The following CRY1 variants were observed in gnomAD, a reference collection of about 807,000 sequenced individuals.
CRY1 encodes cryptochrome-1.
Under a neutral mutation model 76.0 loss-of-function variants are expected in CRY1, and 45 were observed. The ratio of observed to expected loss-of-function variants is 0.59; its 90% CI spans 0.47 to 0.76. CRY1 has a LOEUF of 0.76. Among genes scored for constraint, CRY1 ranks in the 30% least tolerant of loss-of-function variants. The pLI is 0.00. For synonymous variants in CRY1, 248 were observed against 244.0 expected (o/e 1.02, Z -0.15); for missense variants, 587 against 716.4 (o/e 0.82, Z 2.06).
intron 2 of CRY1, among the ~76,000 whole-genome samples, chr12:107,021,381 A>G (rs1374400779): frequency 6.6e-6 from 1 of 152,214 alleles, no homozygotes; most frequent in Non-Finnish European, 1.5e-5. Context: ...GAATTATCCC[A>G]CAAATGTACT....
intron 8 of CRY1, 79 bp from the exon 9 acceptor site, chr12:106,997,769 C>A (rs1349736679): frequency 1.3e-6 from 2 of 1,547,742 alleles, no homozygotes; most frequent in Non-Finnish European, 1.8e-6. Flanking sequence ...AGACCAAAAT[C>A]AAATCAAGAC....
At chr12:107,041,974 G>T (rs1952804386) in intron 1 of CRY1, among the ~76,000 whole-genome samples, 1 of 152,106 alleles carries the variant, frequency 6.6e-6, no homozygotes, top group African/African-American at 2.4e-5. Flanking sequence ...CATAGTGTCA[G>T]AAAAAAGTGC....
chr12:107,030,012 T>A (rs1373234819), intron 1 of CRY1, among the ~76,000 whole-genome samples: 1 of 152,158 alleles, frequency 6.6e-6, no homozygotes, highest in Non-Finnish European at 1.5e-5. Flanking sequence ...ATACAATAGC[T>A]GGAGATAAGG....
At chr12:107,070,803 G>C (rs4964516) in intron 1 of CRY1, among the ~76,000 whole-genome samples, 104,478 of 150,416 alleles carry the variant, frequency 0.69, 37,100 homozygotes, top group East Asian at 0.97. Context: ...CGGGTTCACA[G>C]CATTCTCCTG....
chr12:107,087,115 A>C (rs1164483934), intron 1 of CRY1, among the ~76,000 whole-genome samples: 1 of 152,264 alleles, frequency 6.6e-6, no homozygotes, highest in Non-Finnish European at 1.5e-5. Flanking sequence ...TAAACAGCAT[A>C]CACCCTCAGC....
intron 1 of CRY1, chr12:107,049,899 A>G (rs1269467389): frequency 6.6e-6 from 1 of 152,180 alleles, no homozygotes; most frequent in Non-Finnish European, 1.5e-5. Flanking sequence ...TGATGTACAT[A>G]ATTCTGGAAT....
intron 1 of CRY1, among the ~76,000 whole-genome samples, chr12:107,082,493 T>C (rs1044217798): frequency 5.3e-5 from 8 of 152,042 alleles, no homozygotes; most frequent in African/African-American, 1.9e-4. Flanking sequence ...TAACAAACAG[T>C]CTCTCAGACC....
At position 106,991,565 on chromosome 12, in the gene CRY1, T is replaced by C. The variant is rs929444308; in HGVS notation, c.*437A>G. 1 of 152,602 alleles carries C rather than the reference T, an allele frequency of 6.6e-6. No individual in the cohort carries two copies. The highest frequency in any genetic ancestry group is 1.5e-5 in the Non-Finnish European group (1 of 68,012). 9.5% of individuals were successfully genotyped at this position (152,602 alleles called of 1,614,324 possible). A position where few individuals can be genotyped will look rare whatever the true frequency, so the allele number is the denominator to read the frequency against. On this transcript the variant is annotated 3_prime_UTR_variant, in exon 13 of 13. Coordinates refer to ENST00000008527, the MANE Select transcript of CRY1 (RefSeq NM_004075.5). ...ACGCACATTATCTAAAACATTATTA[T>C]CAAAGAGTGCAAAGTTAGATCAAAC...
At chr12:107,048,979 T>G (rs1565836368) in intron 1 of CRY1, among the ~76,000 whole-genome samples, 1 of 152,226 alleles carries the variant, frequency 6.6e-6, no homozygotes, top group South Asian at 2.1e-4. Context: ...TAAAAAGCTA[T>G]AGATATCCTC....
chr12:107,069,561 A>ATATATATATAAAG (rs1242325144), intron 1 of CRY1, among the ~76,000 whole-genome samples: 10 of 72,892 alleles, frequency 1.4e-4, no homozygotes, highest in Non-Finnish European at 2.0e-4. Flanking sequence ...TATATATATA[A>ATATATATATAAAG]TATATATATA....
At chr12:107,010,905 C>T (rs1056246411) in intron 2 of CRY1, among the ~76,000 whole-genome samples, 3 of 152,184 alleles carry the variant, frequency 2.0e-5, no homozygotes, top group African/African-American at 7.2e-5. Flanking sequence ...CTCAGGCCTC[C>T]TTATTCCCTG....
chr12:106,992,868 AC>A lies in CRY1; in HGVS notation c.1679del (p.Gly560ValfsTer49), dbSNP rs1952194433. ...LKQGRSSMGTGLSGGKRPSQE... is the reference protein window; with the variant it reads ...LKQGRSSMGTXLSGGKRPSQE... ...GACTAGGACGTTTCCCACCACTGAG[AC>A]CAGTGCCCATGGAGCTTCTTCCTGC... On this transcript the variant is annotated frameshift_variant, in exon 12 of 13. Transcript: ENST00000008527. LOFTEE classifies it high-confidence loss of function. 1 of 1,613,934 alleles carries A rather than the reference AC, an allele frequency of 6.2e-7. No individual in the cohort carries two copies.
chr12:107,087,954 G>A (rs992314624), intron 1 of CRY1, among the ~76,000 whole-genome samples: 19 of 152,118 alleles, frequency 1.2e-4, no homozygotes, highest in African/African-American at 4.3e-4. Flanking sequence ...TGGGACAACT[G>A]CTTGAGCCCA....
Position 107,065,382 on chromosome 12 carries a change from C to T in CRY1, c.158+27422G>A, listed in dbSNP as rs548335704. 1.8e-4 allele frequency among the ~76,000 whole-genome samples: 27 copies of T among 152,232 alleles called. No homozygotes were observed. In the East Asian group the frequency reaches 5.0e-3, roughly 28 times the overall value. On this transcript the variant is annotated intron_variant, in intron 1 of 12. Transcript: ENST00000008527. The stretch of plus-strand genomic sequence containing the variant: ...CCAAGGCGGGCGGATAACCTGAGGT[C>T]AGGAGTTTGAGGCCAGCCTGGCTAA...
At chr12:107,088,562 C>T (rs913903807) in intron 1 of CRY1, among the ~76,000 whole-genome samples, 4 of 152,296 alleles carry the variant, frequency 2.6e-5, no homozygotes, top group African/African-American at 7.2e-5. Context: ...GAGAAAGCAT[C>T]GTCTATTCAG....
At chr12:107,091,858 C>A (rs138601896) in intron 1 of CRY1, among the ~76,000 whole-genome samples, 1 of 152,344 alleles carries the variant, frequency 6.6e-6, no homozygotes, top group Non-Finnish European at 1.5e-5. Context: ...TCCTTCAGGT[C>A]TGCTCAAGTG....
chr12:107,057,495 C>T (rs11113177), intron 1 of CRY1, among the ~76,000 whole-genome samples: 83,419 of 151,938 alleles, frequency 0.55, 23,248 homozygotes, highest in East Asian at 0.73. Flanking sequence ...AGTTTTCTCA[C>T]AAACCCACAT....
intron 1 of CRY1, among the ~76,000 whole-genome samples, chr12:107,059,184 T>C (rs1953020013): frequency 6.6e-6 from 1 of 152,200 alleles, no homozygotes; most frequent in South Asian, 2.1e-4. Flanking sequence ...CTAGTCTATT[T>C]CATTATTTTT....
At chr12:107,022,533 G>A (rs888655025) in intron 1 of CRY1, among the ~76,000 whole-genome samples, 6 of 151,900 alleles carry the variant, frequency 3.9e-5, no homozygotes, top group Non-Finnish European at 8.8e-5. Flanking sequence ...TTTTCTGTAT[G>A]AAAATGGCTT....
Sources: gnomAD v4.1 joint callset for allele counts (sites outside exome capture counted in the v4.1 genomes callset) on GRCh38, gnomAD v4.1.1 for gene constraint, MANE v1.5 for transcripts, NCBI Gene and HGNC (gene_info 2026-07-23, HGNC 2026-07-21) for gene names.